The following HVCN1 variants were observed in gnomAD, a reference collection of about 807,000 sequenced individuals.
HVCN1 encodes voltage-gated hydrogen channel 1.
A neutral mutation model predicts 29.2 loss-of-function variants in HVCN1; 14 were observed. The ratio of observed to expected loss-of-function variants is 0.48; its 90% confidence interval spans 0.32 to 0.75. HVCN1 has a LOEUF of 0.75. HVCN1 is among the 30% of genes least tolerant of loss of function. The pLI is 0.04. For missense variants in HVCN1, 263 were observed against 341.8 expected (o/e 0.77, Z 1.82); for synonymous variants, 131 against 133.2 (o/e 0.98, Z 0.11).
chr12:110,658,826 G>A lies in HVCN1; in HGVS notation c.306+2338C>T, dbSNP rs2068071363. ...TGTACACAGCAGGTGCTCAATAAGT[G>A]ACTGTTGGGTGGGTGAATAAACACC... On this transcript the variant is annotated intron_variant, in intron 4 of 7. Coordinates refer to ENST00000242607, the MANE Select transcript of HVCN1 (RefSeq NM_032369.4). This position sits in a 1 kb window ranked among gnomAD's most constrained non-coding sequence, Gnocchi z 5.0. 6.6e-6 allele frequency among the ~76,000 whole-genome samples: 1 copy of A among 152,204 alleles called. No individual in the cohort carries two copies. Among genetic ancestry groups the A allele is most frequent in the African/African-American group, 2.4e-5 (1 of 41,454 alleles).
chr12:110,682,067 A>G (rs2068999015), intron 3 of HVCN1, among the ~76,000 whole-genome samples: 1 of 152,044 alleles, frequency 6.6e-6, no homozygotes, highest in African/African-American at 2.4e-5. Context: ...GGCTCACTGC[A>G]ACCTCTGCCT....
At chr12:110,665,491 G>A (rs906456464) in intron 3 of HVCN1, among the ~76,000 whole-genome samples, 1 of 151,760 alleles carries the variant, frequency 6.6e-6, no homozygotes, top group Non-Finnish European at 1.5e-5. Flanking sequence ...GGGAAGCAGA[G>A]GTTGTGGTGA....
At position 110,655,022 on chromosome 12, in the gene HVCN1, G is replaced by A. The variant is rs114961488; in HGVS notation, c.411+212C>T. 3.2e-3 allele frequency among the ~76,000 whole-genome samples: 488 copies of A among 152,150 alleles called. 6 individuals carry two copies. The highest frequency in any genetic ancestry group is 0.011 in the African/African-American group (447 of 41,500). On this transcript the variant is annotated intron_variant, in intron 5 of 7. Coordinates refer to ENST00000242607, the MANE Select transcript of HVCN1 (RefSeq NM_032369.4). ...TGCTCCAGCTCACTAGCCTAGCATC[G>A]CCCAGGATTCCAGCCATCATGTGAA...
intron 3 of HVCN1, among the ~76,000 whole-genome samples, chr12:110,668,241 T>A (rs2068439294): frequency 6.6e-6 from 1 of 152,138 alleles, no homozygotes; most frequent in Admixed American, 6.5e-5. Flanking sequence ...GTGACTCACA[T>A]CTGCAATCCC....
At chr12:110,673,965 A>G (rs924763846) in intron 3 of HVCN1, among the ~76,000 whole-genome samples, 1 of 152,248 alleles carries the variant, frequency 6.6e-6, no homozygotes, top group Non-Finnish European at 1.5e-5. Flanking sequence ...GAAGAGGGCC[A>G]CAGTCCTCCA....
intron 5 of HVCN1, among the ~76,000 whole-genome samples, chr12:110,654,076 T>G (rs1454878468): frequency 6.6e-6 from 1 of 152,126 alleles, no homozygotes; most frequent in Non-Finnish European, 1.5e-5. Context: ...TTGCCATTTT[T>G]CATAAAAAGT....
intron 2 of HVCN1, among the ~76,000 whole-genome samples, chr12:110,699,937 C>T (rs190590071): frequency 2.0e-4 from 31 of 152,348 alleles, no homozygotes; most frequent in Non-Finnish European, 4.1e-4. Flanking sequence ...AGGGACCCCC[C>T]GCTCTGCCAG....
At chr12:110,652,492 G>C (rs1419650977) in intron 5 of HVCN1, among the ~76,000 whole-genome samples, 1 of 152,176 alleles carries the variant, frequency 6.6e-6, no homozygotes, top group African/African-American at 2.4e-5. Flanking sequence ...TCTTTTGCCA[G>C]CAAGGAAGTC....
chr12:110,661,337 A>G lies in HVCN1; in HGVS notation c.133T>C (p.Trp45Arg), dbSNP rs1309371197. Residue 45 changes from tryptophan (W) to arginine (R), a missense_variant, in exon 4 of 8, where the codon TGG becomes CGG. Coordinates refer to ENST00000242607, the MANE Select transcript of HVCN1 (RefSeq NM_032369.4). This position sits in a 1 kb window ranked among gnomAD's most constrained non-coding sequence, Gnocchi z 6.2. Reference sequence around the variant, plus strand: ...TCCTCCTCCTCCTCTTCATTCTCCCATTTCTTGTAGTTGATGTTCCAGGCA... The same window carrying G: ...TCCTCCTCCTCCTCTTCATTCTCCCGTTTCTTGTAGTTGATGTTCCAGGCA... ...YHAWNINYKK[W>R]ENEEEEEEEE... 1 of 1,613,734 alleles carries G rather than the reference A, an allele frequency of 6.2e-7. No individual in the cohort carries two copies. The highest frequency in any genetic ancestry group is 8.5e-7 in the Non-Finnish European group (1 of 1,179,944).
intron 2 of HVCN1, among the ~76,000 whole-genome samples, chr12:110,683,639 G>A (rs2069068490): frequency 1.3e-5 from 2 of 152,190 alleles, no homozygotes; most frequent in African/African-American, 2.4e-5. Context: ...GCCAGGTGTG[G>A]TGGCTCACAC....
intron 3 of HVCN1, among the ~76,000 whole-genome samples, chr12:110,670,907 A>C (rs2068554083): frequency 6.6e-6 from 1 of 152,172 alleles, no homozygotes; most frequent in African/African-American, 2.4e-5. Flanking sequence ...AAAAGAGAAA[A>C]GGGGCCAGGC....
At chr12:110,656,410 C>T (rs2067991985) in intron 4 of HVCN1, among the ~76,000 whole-genome samples, 1 of 152,110 alleles carries the variant, frequency 6.6e-6, no homozygotes, top group African/African-American at 2.4e-5. Flanking sequence ...GTGGTGATGG[C>T]AGTCACGGTG....
intron 5 of HVCN1, among the ~76,000 whole-genome samples, chr12:110,653,311 T>A (rs2067875636): frequency 1.3e-5 from 2 of 151,650 alleles, no homozygotes; most frequent in African/African-American, 2.4e-5. Context: ...AATTTAAAAA[T>A]TAGCTGGGTG....
intron 2 of HVCN1, among the ~76,000 whole-genome samples, chr12:110,695,947 G>A (rs971641841): frequency 2.7e-5 from 4 of 148,142 alleles, no homozygotes; most frequent in South Asian, 2.1e-4. Context: ...GGGAGGGATC[G>A]TTTGATTTTT....
intron 3 of HVCN1, among the ~76,000 whole-genome samples, chr12:110,680,607 T>A (rs999365586): frequency 6.6e-6 from 1 of 152,196 alleles, no homozygotes; most frequent in African/African-American, 2.4e-5. Context: ...CCTGTCTTTA[T>A]CTTTTACAAT....
At chr12:110,697,856 T>C (rs1041189009) in intron 2 of HVCN1, among the ~76,000 whole-genome samples, 6 of 152,234 alleles carry the variant, frequency 3.9e-5, no homozygotes, top group African/African-American at 1.4e-4. Context: ...TTCACCATAT[T>C]GGCTAGACTG....
At chr12:110,667,076 C>T (rs1330549237) in intron 3 of HVCN1, among the ~76,000 whole-genome samples, 1 of 152,136 alleles carries the variant, frequency 6.6e-6, no homozygotes, top group Admixed American at 6.5e-5. Flanking sequence ...CTCTGGACTC[C>T]CAGGGCTGGC....
At chr12:110,654,685 G>A (rs960671833) in intron 5 of HVCN1, among the ~76,000 whole-genome samples, 1 of 151,996 alleles carries the variant, frequency 6.6e-6, no homozygotes, top group Non-Finnish European at 1.5e-5. Context: ...TCATTATGTT[G>A]GCCAGGCTGG....
intron 2 of HVCN1, among the ~76,000 whole-genome samples, chr12:110,700,305 C>A (rs535484158): frequency 6.6e-6 from 1 of 152,194 alleles, no homozygotes; most frequent in Admixed American, 6.5e-5. Flanking sequence ...AGCCATGAAG[C>A]GGCAGGGTAG....
Sources: allele counts gnomAD v4.1 joint callset (sites outside exome capture counted in the v4.1 genomes callset), GRCh38; gene constraint gnomAD v4.1.1; non-coding constraint Gnocchi (gnomAD v3.1); transcripts MANE v1.5; gene names NCBI Gene and HGNC (gene_info 2026-07-23, HGNC 2026-07-21).